FNTA: variants seen among roughly 807,000 people sequenced by gnomAD.
FNTA encodes the protein protein farnesyltransferase/geranylgeranyltransferase type-1 subunit alpha.
Under a neutral mutation model 55.2 loss-of-function variants are expected in FNTA, and 27 were observed. The ratio of observed to expected loss-of-function variants is 0.49; its 90% confidence interval spans 0.36 to 0.67. The LOEUF (loss-of-function observed/expected upper bound fraction) is 0.67. Among genes scored for constraint, FNTA ranks in the 30% least tolerant of loss-of-function variants. The pLI is 0.00. For synonymous variants in FNTA, 176 were observed against 170.7 expected (o/e 1.03, Z -0.24); for missense variants, 422 against 464.7 (o/e 0.91, Z 0.85).
chr8:43,068,630 C>T (rs2130553703), intron 3 of FNTA, among the ~76,000 whole-genome samples: 1 of 152,268 alleles, frequency 6.6e-6, no homozygotes, highest in East Asian at 1.9e-4. Flanking sequence ...AGAGTAGTAC[C>T]TGAAAATAAT....
At chr8:43,082,912 G>A in intron 6 of FNTA, 1 of 329,472 alleles carries the variant, frequency 3.0e-6, no homozygotes, top group Non-Finnish European at 5.6e-6. Flanking sequence ...TGGGTGTGGT[G>A]GTGGGCGCCT....
chr8:43,066,790 G>A (rs1266628741), intron 3 of FNTA, among the ~76,000 whole-genome samples: 2 of 152,184 alleles, frequency 1.3e-5, no homozygotes, highest in African/African-American at 4.8e-5. Flanking sequence ...TCGCTGTGAA[G>A]TTACTGAGTG....
intron 4 of FNTA, among the ~76,000 whole-genome samples, chr8:43,071,219 G>T (rs1008174568): frequency 6.6e-6 from 1 of 152,022 alleles, no homozygotes; most frequent in African/African-American, 2.4e-5. Flanking sequence ...CCCATTCAAA[G>T]TATATAATTC....
At chr8:43,077,045 C>G (rs565758101) in intron 5 of FNTA, 171 bp from the exon 6 acceptor site, 24 of 460,354 alleles carry the variant, frequency 5.2e-5, no homozygotes, top group African/African-American at 4.0e-4. Flanking sequence ...TCATCAATTT[C>G]ATACTTGTAT....
At chr8:43,069,435 A>T in intron 3 of FNTA, 120 bp from the exon 4 acceptor site, 1 of 663,732 alleles carries the variant, frequency 1.5e-6, no homozygotes, top group Non-Finnish European at 2.7e-6. Flanking sequence ...TTGTTAAATT[A>T]TACAGATTAC....
intron 6 of FNTA, 97 bp from the exon 7 acceptor site, chr8:43,083,021 G>T (rs982790263): frequency 6.0e-6 from 4 of 670,008 alleles, no homozygotes; most frequent in East Asian, 3.5e-5. Flanking sequence ...ACTCCAGCCT[G>T]GGTGACAGAG....
In FNTA at chr8:43,056,335, G is replaced by C; in HGVS notation, c.-12G>C. 1 of 1,408,420 alleles carries C rather than the reference G, an allele frequency of 7.1e-7. No individual in the cohort carries two copies. Among genetic ancestry groups the C allele is most frequent in the Non-Finnish European group, 9.2e-7 (1 of 1,090,174 alleles). 87.2% of individuals were successfully genotyped at this position (1,408,420 alleles called of 1,614,324 possible). ...GGCCTCCGCCACCACCTCAGCTGCG[G>C]ACCGAGGCGAGATGGCGGCCACCGA... On this transcript the variant is annotated 5_prime_UTR_variant, in exon 1 of 9. Coordinates refer to ENST00000302279, the MANE Select transcript of FNTA (RefSeq NM_002027.3).
rs756820195 is a variant in FNTA at position 43,077,205 on chromosome 8, T to G, written c.634-11T>G. 6.4e-7 allele frequency: 1 copy of G among 1,557,092 alleles called. No homozygotes were observed. On this transcript the variant is annotated splice_polypyrimidine_tract_variant and intron_variant, in intron 5 of 8. Coordinates refer to ENST00000302279, the MANE Select transcript of FNTA (RefSeq NM_002027.3). ...TTCTAATTGGATGATTTTTCTAAAT[T>G]TTTCCTTTAGGAATTTAAACTTTGG...
intron 5 of FNTA, among the ~76,000 whole-genome samples, chr8:43,075,527 T>G (rs542997465): frequency 6.6e-6 from 1 of 152,092 alleles, no homozygotes; most frequent in Non-Finnish European, 1.5e-5. Flanking sequence ...TATAAAAAAT[T>G]TATATTGCCT....
rs549294349 is a variant in FNTA, at chr8:43,066,117, A to G, written c.401+1902A>G. Among the ~76,000 whole-genome samples the G allele has an allele frequency of 1.0e-4, 15 of 149,460 alleles. No homozygotes were observed. The South Asian group carries it at 3.2e-3, about 31-fold the overall frequency. ...TTTAGTTCTATGTTGTATCTCCTCA[A>G]TTTTTCTTATTTTCATTTGTTTATC... On this transcript the variant is annotated intron_variant, in intron 3 of 8. Transcript: ENST00000302279.
chr8:43,074,764 G>A (rs1810871722), intron 5 of FNTA, among the ~76,000 whole-genome samples: 1 of 152,056 alleles, frequency 6.6e-6, no homozygotes, highest in Non-Finnish European at 1.5e-5. Context: ...GGGAAAAGGG[G>A]GTACAGCTAT....
intron 5 of FNTA, among the ~76,000 whole-genome samples, chr8:43,075,576 G>T (rs1307507852): frequency 6.6e-6 from 1 of 151,970 alleles, no homozygotes; most frequent in African/African-American, 2.4e-5. Flanking sequence ...AGCACTTTGG[G>T]AGGCCGAGGT....
chr8:43,056,429 C>T lies in FNTA; in HGVS notation c.83C>T (p.Pro28Leu). ...GCGCAACCCCCGCCCCAGCCGCACC[C>T]ACCGCCGCCCCAGCAGCAGCACAAG... Reference protein sequence around the residue: ...QPAQPPPQPHPPPPQQQHKEE... With the variant: ...QPAQPPPQPHLPPPQQQHKEE... The change falls in exon 1 of 9, where the codon CCA (proline) becomes CTA (leucine). Residue 28 changes from proline to leucine, a missense_variant. Coordinates refer to ENST00000302279, the MANE Select transcript of FNTA (RefSeq NM_002027.3). 6.5e-7 allele frequency: 1 copy of T among 1,535,948 alleles called. No individual in the cohort carries two copies.
intron 5 of FNTA, among the ~76,000 whole-genome samples, chr8:43,075,472 A>C (rs973262680): frequency 2.6e-5 from 4 of 151,856 alleles, no homozygotes; most frequent in Non-Finnish European, 5.9e-5. Context: ...AATTATCTTT[A>C]TTGGTTCTCT....
At chr8:43,072,929 A>AT (rs1276792414) in intron 5 of FNTA, among the ~76,000 whole-genome samples, 1 of 152,044 alleles carries the variant, frequency 6.6e-6, no homozygotes, top group Non-Finnish European at 1.5e-5. Context: ...CATATTATAC[A>AT]TTTTTTTCAT....
chr8:43,069,482 A>G, intron 3 of FNTA, 73 bp from the exon 4 acceptor site: 1 of 922,194 alleles, frequency 1.1e-6, no homozygotes, highest in Non-Finnish European at 1.8e-6. Flanking sequence ...GCTGACTTGT[A>G]GCTGTATTTG....
intron 3 of FNTA, among the ~76,000 whole-genome samples, chr8:43,065,126 G>A (rs916336394): frequency 3.9e-5 from 6 of 152,044 alleles, no homozygotes; most frequent in African/African-American, 1.4e-4. Flanking sequence ...GAACCACCGT[G>A]CCTGGCTTAT....
intron 2 of FNTA, among the ~76,000 whole-genome samples, chr8:43,061,760 C>G (rs1459285612): frequency 2.0e-5 from 3 of 151,752 alleles, no homozygotes; most frequent in Non-Finnish European, 4.4e-5. Context: ...GCTCTTGTTG[C>G]CCAGGCTGGA....
intron 6 of FNTA, chr8:43,080,615 G>A (rs1586661656): frequency 6.6e-6 from 1 of 152,064 alleles, no homozygotes; most frequent in African/African-American, 2.4e-5. Flanking sequence ...GTTCAGTATG[G>A]TAGCTACTAG....
Sources: allele counts gnomAD v4.1 joint callset (sites outside exome capture counted in the v4.1 genomes callset), GRCh38; gene constraint gnomAD v4.1.1; transcripts MANE v1.5; gene names NCBI Gene and HGNC (gene_info 2026-07-23, HGNC 2026-07-21).